The following FHIT variants were observed in gnomAD, a reference collection of about 807,000 sequenced individuals.
FHIT encodes fragile histidine triad diadenosine triphosphatase, also known as bis(5'-adenosyl)-triphosphatase.
FHIT carries 19 observed loss-of-function variants against 17.9 expected under a neutral mutation model. The ratio of observed to expected loss-of-function variants is 1.06; its 90% CI spans 0.74 to 1.56. The LOEUF is 1.56. FHIT is among the 40% of genes most tolerant of loss of function. The pLI is 0.00. For synonymous variants in FHIT, 81 were observed against 69.7 expected (o/e 1.16, Z -0.81); for missense variants, 248 against 189.2 (o/e 1.31, Z -1.82).
chr3:61,220,341 T>G (rs899897670), intron 1 of FHIT, among the ~76,000 whole-genome samples: 1 of 152,206 alleles, frequency 6.6e-6, no homozygotes, highest in African/African-American at 2.4e-5. Flanking sequence ...ATTAATACTT[T>G]AAACACATGG....
intron 5 of FHIT, among the ~76,000 whole-genome samples, chr3:60,139,921 C>T (rs1017432340): frequency 5.3e-5 from 8 of 151,760 alleles, no homozygotes; most frequent in African/African-American, 1.9e-4. Context: ...CAGGAGTTCA[C>T]GACCAGCCTG....
chr3:59,922,337 C>T lies in FHIT; in HGVS notation c.348+9G>A. On this transcript the variant is annotated intron_variant, in intron 8 of 9. Transcript: ENST00000492590. ...GATCAAACAATAAGATCAGAGAGAA[C>T]AGACCCACCTCCTCATAGATGCTGT... 1 of 1,611,234 alleles carries T rather than the reference C, an allele frequency of 6.2e-7. No homozygotes were observed. The highest frequency in any genetic ancestry group is 1.1e-5 in the South Asian group (1 of 90,998).
At chr3:60,245,219 A>T (rs1159387066) in intron 5 of FHIT, among the ~76,000 whole-genome samples, 1 of 152,082 alleles carries the variant, frequency 6.6e-6, no homozygotes, top group Admixed American at 6.6e-5. Context: ...ATCTAAAATT[A>T]TCTGTATGTT....
At chr3:59,880,032 A>G (rs1703343003) in intron 8 of FHIT, among the ~76,000 whole-genome samples, 1 of 152,018 alleles carries the variant, frequency 6.6e-6, no homozygotes, top group Non-Finnish European at 1.5e-5. Flanking sequence ...AGAACACAAG[A>G]TAGAAAACTT....
intron 4 of FHIT, among the ~76,000 whole-genome samples, chr3:60,636,299 G>C (rs1157459192): frequency 1.3e-5 from 2 of 152,098 alleles, no homozygotes; most frequent in African/African-American, 4.8e-5. Flanking sequence ...TCGATCTCTT[G>C]ACCTCATGAT....
chr3:59,763,878 C>T (rs1701655411), intron 8 of FHIT, among the ~76,000 whole-genome samples: 1 of 152,170 alleles, frequency 6.6e-6, no homozygotes, highest in Admixed American at 6.5e-5. Flanking sequence ...GGGAAAATCT[C>T]CCTTCCCTTT....
chr3:60,317,079 A>C (rs1454401757), intron 5 of FHIT, among the ~76,000 whole-genome samples: 1 of 152,162 alleles, frequency 6.6e-6, no homozygotes, highest in African/African-American at 2.4e-5. Context: ...AGGAAAGTAT[A>C]TTGGCCCAGA....
At chr3:61,103,869 A>G (rs2035910763) in intron 2 of FHIT, among the ~76,000 whole-genome samples, 1 of 148,684 alleles carries the variant, frequency 6.7e-6, no homozygotes. Flanking sequence ...AGAGACTAGG[A>G]TTTCAACCCC....
chr3:60,268,835 T>C (rs1300467528), intron 5 of FHIT, among the ~76,000 whole-genome samples: 1 of 152,144 alleles, frequency 6.6e-6, no homozygotes, highest in Non-Finnish European at 1.5e-5. Context: ...GGCAGGGAGA[T>C]GATCCTGGAT....
chr3:61,161,619 A>C (rs2037698013), intron 2 of FHIT, among the ~76,000 whole-genome samples: 1 of 152,228 alleles, frequency 6.6e-6, no homozygotes, highest in African/African-American at 2.4e-5. Context: ...TTCTTTATTT[A>C]AAGTCTTTGC....
chr3:60,026,021 G>T (rs71313738), intron 5 of FHIT, among the ~76,000 whole-genome samples: 5 of 151,958 alleles, frequency 3.3e-5, no homozygotes, highest in African/African-American at 4.8e-5. Flanking sequence ...GCCTGTAAAG[G>T]GGGGGAAAGA....
At chr3:61,150,061 A>T (rs1211385272) in intron 2 of FHIT, among the ~76,000 whole-genome samples, 1 of 152,128 alleles carries the variant, frequency 6.6e-6, no homozygotes, top group East Asian at 1.9e-4. Flanking sequence ...TCTTCATTCA[A>T]CAAGTAATTG....
chr3:60,240,776 T>C (rs1705085505), intron 5 of FHIT, among the ~76,000 whole-genome samples: 1 of 152,082 alleles, frequency 6.6e-6, no homozygotes, highest in Non-Finnish European at 1.5e-5. Flanking sequence ...TAGCAGGAAG[T>C]AGAATGCTGA....
intron 1 of FHIT, among the ~76,000 whole-genome samples, chr3:61,211,163 G>T (rs1450231869): frequency 6.6e-6 from 1 of 151,770 alleles, no homozygotes; most frequent in African/African-American, 2.4e-5. Context: ...CAGGACAGTG[G>T]TTGCAGAGCA....
intron 4 of FHIT, among the ~76,000 whole-genome samples, chr3:60,555,171 G>T (rs1390958236): frequency 2.0e-5 from 3 of 152,156 alleles, no homozygotes; most frequent in Non-Finnish European, 4.4e-5. Context: ...TAAATTCAAG[G>T]CCTTGAATCC....
At chr3:60,196,096 T>G (rs562684023) in intron 5 of FHIT, among the ~76,000 whole-genome samples, 3 of 152,268 alleles carry the variant, frequency 2.0e-5, no homozygotes, top group South Asian at 2.1e-4. Context: ...GATGGACATA[T>G]TAGTTTATTA....
intron 7 of FHIT, among the ~76,000 whole-genome samples, chr3:59,936,970 C>A (rs1399879689): frequency 1.3e-5 from 2 of 152,116 alleles, no homozygotes; most frequent in Non-Finnish European, 2.9e-5. Context: ...TGGGGAAGGT[C>A]AAGATACCTG....
intron 7 of FHIT, among the ~76,000 whole-genome samples, chr3:59,961,253 G>A (rs1031609586): frequency 3.3e-4 from 50 of 152,236 alleles, no homozygotes; most frequent in Non-Finnish European, 6.0e-4. Flanking sequence ...GAAATGCAGA[G>A]ATGAAGCAGT....
chr3:60,727,322 C>T (rs781995566), intron 4 of FHIT, among the ~76,000 whole-genome samples: 1 of 152,136 alleles, frequency 6.6e-6, no homozygotes, highest in Non-Finnish European at 1.5e-5. Context: ...TAGGGCACAA[C>T]GCTCCAGAGA....
Sources: gnomAD v4.1 joint callset for allele counts (sites outside exome capture counted in the v4.1 genomes callset) on GRCh38, gnomAD v4.1.1 for gene constraint, MANE v1.5 for transcripts, NCBI Gene and HGNC (gene_info 2026-07-23, HGNC 2026-07-21) for gene names.